The following TANC2 variants were observed in gnomAD, a reference collection of about 807,000 sequenced individuals.
The protein encoded by TANC2 is protein TANC2.
In TANC2, 26 loss-of-function variants were observed where a neutral mutation model predicts 210.5. The ratio of observed to expected loss-of-function variants is 0.12; its 90% CI spans 0.09 to 0.17. TANC2 has a LOEUF of 0.17. Among genes scored for constraint, TANC2 ranks in the 10% least tolerant of loss-of-function variants. TANC2 has a pLI of 1.00. For synonymous variants in TANC2, 931 were observed against 967.1 expected, an observed-to-expected ratio of 0.96 and a Z score of 0.69; for missense variants, 2,129 against 2,608.9, an observed-to-expected ratio of 0.82 and a Z score of 4.01.
At chr17:63,017,009 C>T (rs771283283) in intron 2 of TANC2, among the ~76,000 whole-genome samples, 4 of 152,082 alleles carry the variant, frequency 2.6e-5, no homozygotes, top group Non-Finnish European at 5.9e-5. Flanking sequence ...TCTTTTCACT[C>T]CATGGTCATG....
chr17:63,239,450 T>C (rs749347976), intron 8 of TANC2, among the ~76,000 whole-genome samples: 1 of 152,238 alleles, frequency 6.6e-6, no homozygotes, highest in Non-Finnish European at 1.5e-5. Context: ...CTTATGTAGC[T>C]GATAGTGTAA....
intron 1 of TANC2, among the ~76,000 whole-genome samples, chr17:62,989,471 G>A (rs2032744168): frequency 6.6e-6 from 1 of 152,160 alleles, no homozygotes; most frequent in Admixed American, 6.5e-5. Flanking sequence ...TTATAAGAAT[G>A]CTTAGTGCCT....
At chr17:63,097,302 C>T (rs903379136) in intron 3 of TANC2, among the ~76,000 whole-genome samples, 3 of 152,102 alleles carry the variant, frequency 2.0e-5, no homozygotes, top group Admixed American at 6.6e-5. Flanking sequence ...TTGCCTTGGC[C>T]TCTCAAAGTC....
chr17:63,323,947 A>C (rs1474461520), intron 11 of TANC2, among the ~76,000 whole-genome samples: 2 of 152,222 alleles, frequency 1.3e-5, no homozygotes, highest in Admixed American at 6.5e-5. Flanking sequence ...TGAGGCAGGC[A>C]AAGTCTATAC....
intron 5 of TANC2, among the ~76,000 whole-genome samples, chr17:63,161,353 C>T (rs1207339710): frequency 6.6e-6 from 1 of 152,006 alleles, no homozygotes; most frequent in African/African-American, 2.4e-5. Context: ...CAGAGTGAGA[C>T]CATGTCTAAA....
intron 7 of TANC2, among the ~76,000 whole-genome samples, chr17:63,212,461 C>G (rs2041915334): frequency 6.6e-6 from 1 of 151,950 alleles, no homozygotes; most frequent in African/African-American, 2.4e-5. Context: ...TGAAGAAATA[C>G]CTAGGTGGAA....
At chr17:63,046,373 C>T (rs2144325911) in intron 2 of TANC2, among the ~76,000 whole-genome samples, 1 of 109,244 alleles carries the variant, frequency 9.2e-6, no homozygotes, top group South Asian at 3.0e-4. Flanking sequence ...ACTCTTGTTG[C>T]CCAGGCTGGA....
intron 20 of TANC2, among the ~76,000 whole-genome samples, chr17:63,405,865 G>T (rs2048487439): frequency 6.6e-6 from 1 of 152,184 alleles, no homozygotes; most frequent in African/African-American, 2.4e-5. Flanking sequence ...ATTTATGTTG[G>T]AACTTCCGCT....
At position 63,009,566 on chromosome 17, in the gene TANC2, C is replaced by T; in HGVS notation, c.7C>T (p.Arg3Trp). ...GCAGTAGAAGAGTATAACCATGTTT[C>T]GGAATAGTCTCAAGATGCTGCTTAC... The change falls in exon 2 of 28, where the codon CGG becomes TGG. Residue 3 changes from arginine (R) to tryptophan (W), a missense_variant. Arg to Trp is a moderately radical substitution (Grantham distance 101, BLOSUM62 -3). Transcript: ENST00000689528. 1 of 1,612,732 alleles carries T rather than the reference C, an allele frequency of 6.2e-7. No homozygotes were observed. Among genetic ancestry groups the T allele is most frequent in the Non-Finnish European group, 8.5e-7 (1 of 1,179,198 alleles).
intron 14 of TANC2, among the ~76,000 whole-genome samples, chr17:63,378,043 TG>T (rs1312607630): frequency 6.6e-6 from 1 of 152,060 alleles, no homozygotes; most frequent in African/African-American, 2.4e-5. Flanking sequence ...GTGGGGATTA[TG>T]GGGGTTACAA....
chr17:63,354,862 A>T (rs889410804), exon 14 of TANC2: 2 of 1,613,446 alleles, frequency 1.2e-6, no homozygotes, highest in African/African-American at 1.3e-5. Flanking sequence ...CAGGACCTGC[A>T]GGCTTACATC....
chr17:63,181,393 A>G (rs926303010), intron 5 of TANC2, among the ~76,000 whole-genome samples: 1 of 152,188 alleles, frequency 6.6e-6, no homozygotes, highest in African/African-American at 2.4e-5. Context: ...TACAGTCTCA[A>G]CTTTGGGGCC....
At chr17:63,273,613 A>C (rs2043785888) in intron 9 of TANC2, among the ~76,000 whole-genome samples, 1 of 152,192 alleles carries the variant, frequency 6.6e-6, no homozygotes, top group South Asian at 2.1e-4. Flanking sequence ...AGGGATCCCC[A>C]GATGACGCTT....
At chr17:63,098,122 A>G (rs577076381) in intron 3 of TANC2, among the ~76,000 whole-genome samples, 85 of 152,000 alleles carry the variant, frequency 5.6e-4, no homozygotes, top group Non-Finnish European at 1.5e-4. Flanking sequence ...TACTTTGTTC[A>G]TGTTATCTTA....
chr17:62,987,191 G>A (rs1302771271), intron 1 of TANC2, among the ~76,000 whole-genome samples: 2 of 152,148 alleles, frequency 1.3e-5, no homozygotes, highest in Admixed American at 6.5e-5. Context: ...GTGGGAGTTG[G>A]TTCTTTGCTG....
intron 5 of TANC2, among the ~76,000 whole-genome samples, chr17:63,179,374 A>T: frequency 6.6e-6 from 1 of 152,168 alleles, no homozygotes; most frequent in Non-Finnish European, 1.5e-5. Flanking sequence ...TACTTAACTA[A>T]CTCTGTAACC....
At chr17:63,228,446 G>GT (rs895786310) in intron 7 of TANC2, among the ~76,000 whole-genome samples, 56 of 152,274 alleles carry the variant, frequency 3.7e-4, no homozygotes, top group African/African-American at 1.3e-3. Context: ...TTTTAAAGTA[G>GT]TTTTTTCTAA....
chr17:63,169,956 A>G (rs192946846), intron 5 of TANC2, among the ~76,000 whole-genome samples: 331 of 143,488 alleles, frequency 2.3e-3, no homozygotes, highest in African/African-American at 8.4e-3. Context: ...TGTCTCTATT[A>G]AAAATACAAA....
intron 8 of TANC2, among the ~76,000 whole-genome samples, chr17:63,266,772 G>A (rs556087360): frequency 6.6e-6 from 1 of 152,002 alleles, no homozygotes; most frequent in African/African-American, 2.4e-5. Flanking sequence ...AATCTTAGGG[G>A]TTTTTTTTCC....
Sources: gnomAD v4.1 joint callset for allele counts (sites outside exome capture counted in the v4.1 genomes callset) on GRCh38, gnomAD v4.1.1 for gene constraint, MANE v1.5 for transcripts, NCBI Gene and HGNC (gene_info 2026-07-23, HGNC 2026-07-21) for gene names.